The following CACNA1C variants were observed in gnomAD, a reference collection of about 807,000 sequenced individuals.
CACNA1C encodes calcium voltage-gated channel subunit alpha1 C, also known as voltage-dependent L-type calcium channel subunit alpha-1C.
CACNA1C carries 30 observed loss-of-function variants against 229.0 expected under a neutral mutation model. The observed-to-expected ratio is 0.13, with a 90% CI of 0.10 to 0.18. The LOEUF is 0.18. Among genes scored for constraint, CACNA1C ranks in the 10% least tolerant of loss-of-function variants. CACNA1C has a pLI of 1.00. For synonymous variants in CACNA1C, 1,114 were observed against 1,132.5 expected (o/e 0.98, Z 0.33); for missense variants, 1,658 against 2,845.0 (o/e 0.58, Z 9.49).
At chr12:2,118,460 G>A (rs1276491997) in intron 2 of CACNA1C, among the ~76,000 whole-genome samples, 2 of 152,240 alleles carry the variant, frequency 1.3e-5, no homozygotes, top group East Asian at 1.9e-4. Context: ...CTTTAGAGTG[G>A]ATCAGTATAG....
Position 2,601,517 on chromosome 12 carries a change from A to G in CACNA1C, c.2854-337A>G, listed in dbSNP as rs74053877. ...CATCAGGAAAGGACCCTGCAGGCCC[A>G]AAGCCATGGACTTGGGATGTGGAAC... On this transcript the variant is annotated intron_variant, in intron 21 of 46. Coordinates refer to ENST00000399655, the MANE Select transcript of CACNA1C (RefSeq NM_000719.7). The surrounding 1 kb of genome is among the most constrained non-coding windows in gnomAD (Gnocchi z 5.9). Among the ~76,000 whole-genome samples the G allele has an allele frequency of 0.039, 6,009 of 152,168 alleles. 420 individuals carry two copies. The highest frequency in any genetic ancestry group is 0.14 in the African/African-American group (5,670 of 41,494).
rs2095991477 is a variant in CACNA1C at position 2,664,939 on chromosome 12, C to T, written c.4347C>T (p.Ser1449=). The T allele has an allele frequency of 6.2e-7, 1 of 1,614,052 alleles. No individual in the cohort carries two copies. The highest frequency in any genetic ancestry group is 1.7e-5 in the Admixed American group (1 of 60,014). ...NSTEGETPCG[S]SFAVFYFISF... ...CGGAGGGTGAAACACCCTGTGGTAG[C>T]AGCTTTGCTGTCTTCTACTTCATCA... is the stretch of plus-strand genomic sequence containing the variant. Residue 1449 remains serine, a synonymous_variant, in exon 35 of 47, where the codon AGC becomes AGT. Coordinates refer to ENST00000399655, the MANE Select transcript of CACNA1C (RefSeq NM_000719.7).
At chr12:2,056,840 T>G (rs1405890037) in intron 1 of CACNA1C, among the ~76,000 whole-genome samples, 1 of 152,208 alleles carries the variant, frequency 6.6e-6, no homozygotes, top group Non-Finnish European at 1.5e-5. Context: ...GAGTCAATTT[T>G]TCATTATTTC....
chr12:2,451,406 G>A (rs999222676), intron 4 of CACNA1C, among the ~76,000 whole-genome samples: 3 of 152,246 alleles, frequency 2.0e-5, no homozygotes, highest in Admixed American at 1.3e-4. Context: ...TCTGGGACCA[G>A]TGGAGGGATG....
At chr12:2,363,357 T>G (rs2097621435) in intron 3 of CACNA1C, among the ~76,000 whole-genome samples, 1 of 152,204 alleles carries the variant, frequency 6.6e-6, no homozygotes, top group Admixed American at 6.5e-5. Flanking sequence ...CCATATCATT[T>G]CTATATTCCT....
At chr12:2,521,166 C>A (rs746644882) in intron 9 of CACNA1C, among the ~76,000 whole-genome samples, 45 of 149,814 alleles carry the variant, frequency 3.0e-4, no homozygotes, top group Admixed American at 9.2e-4. Flanking sequence ...GATTCCCACA[C>A]CCTTTTTAGA....
intron 3 of CACNA1C, among the ~76,000 whole-genome samples, chr12:2,144,151 T>G (rs2094511646): frequency 6.6e-6 from 1 of 151,072 alleles, no homozygotes; most frequent in Non-Finnish European, 1.5e-5. Flanking sequence ...CATGGAAAAA[T>G]TAGGAGCTAT....
chr12:2,483,912 A>G (rs1450458135), intron 5 of CACNA1C, among the ~76,000 whole-genome samples: 1 of 152,204 alleles, frequency 6.6e-6, no homozygotes, highest in East Asian at 1.9e-4. Context: ...GTGTCTGTGC[A>G]GCAATACTCA....
chr12:2,318,031 G>C (rs1045214539), intron 3 of CACNA1C, among the ~76,000 whole-genome samples: 3 of 152,182 alleles, frequency 2.0e-5, no homozygotes, highest in Admixed American at 6.5e-5. Flanking sequence ...GGGGAGAGCA[G>C]GGGGCGAGCC....
intron 1 of CACNA1C, among the ~76,000 whole-genome samples, chr12:2,056,921 T>C (rs1207105393): frequency 1.3e-5 from 2 of 152,210 alleles, no homozygotes; most frequent in Non-Finnish European, 2.9e-5. Flanking sequence ...GGAAAAGCTA[T>C]TTTAAATAGA....
At chr12:2,494,380 A>G (rs1483648316) in intron 7 of CACNA1C, among the ~76,000 whole-genome samples, 2 of 152,246 alleles carry the variant, frequency 1.3e-5, no homozygotes, top group Non-Finnish European at 2.9e-5. Flanking sequence ...TTTATTCTTC[A>G]TAGTGTCTCC....
At chr12:2,121,707 G>C (rs1479158850) in intron 3 of CACNA1C, among the ~76,000 whole-genome samples, 1 of 152,226 alleles carries the variant, frequency 6.6e-6, no homozygotes, top group African/African-American at 2.4e-5. Context: ...AATCTTTACT[G>C]TGTCAAAATA....
intron 1 of CACNA1C, among the ~76,000 whole-genome samples, chr12:1,993,988 A>G (rs1472986316): frequency 6.6e-6 from 1 of 152,230 alleles, no homozygotes; most frequent in Non-Finnish European, 1.5e-5. Flanking sequence ...GTTTTCTTCA[A>G]TGCAAAGCAA....
Position 2,566,950 on chromosome 12 carries a change from G to A in CACNA1C, c.1669+368G>A, listed in dbSNP as rs1231455452. ...GGGGCCTTCCTACAGCCCTGAGGTG[G>A]CCTTAACCAGAACACATGAGGATGG... On this transcript the variant is annotated intron_variant, in intron 12 of 46. Coordinates refer to ENST00000399655, the MANE Select transcript of CACNA1C (RefSeq NM_000719.7). The surrounding 1 kb of genome is among the most constrained non-coding windows in gnomAD (Gnocchi z 4.0). Among the ~76,000 whole-genome samples, 1 of 152,184 alleles carries A rather than the reference G, an allele frequency of 6.6e-6. No homozygotes were observed. The highest frequency in any genetic ancestry group is 1.5e-5 in the Non-Finnish European group (1 of 68,042).
At chr12:2,387,942 A>T (rs1283975595) in intron 3 of CACNA1C, among the ~76,000 whole-genome samples, 1 of 152,184 alleles carries the variant, frequency 6.6e-6, no homozygotes, top group Non-Finnish European at 1.5e-5. Context: ...GTACTAAGAG[A>T]ACTTGCCCAG....
Position 2,504,025 on chromosome 12 carries a change from C to T in CACNA1C, c.1114-817C>T, listed in dbSNP as rs1482064871. On this transcript the variant is annotated intron_variant, in intron 7 of 46. Transcript: ENST00000399655. The surrounding 1 kb of genome is among the most constrained non-coding windows in gnomAD (Gnocchi z 6.8). ...CTCCAGGCCTGTCAGCAGGAGCTGACGCACTTCATACACCAAGGTCAGGGG... is the reference window on the plus strand; with the variant it reads ...CTCCAGGCCTGTCAGCAGGAGCTGATGCACTTCATACACCAAGGTCAGGGG... Among the ~76,000 whole-genome samples the T allele has an allele frequency of 2.0e-5, 3 of 152,210 alleles. No homozygotes were observed. The highest frequency in any genetic ancestry group is 4.1e-4 in the South Asian group (2 of 4,836).
intron 9 of CACNA1C, among the ~76,000 whole-genome samples, chr12:2,536,397 C>T (rs73252720): frequency 0.054 from 8,222 of 152,146 alleles, 728 homozygotes; most frequent in African/African-American, 0.19. Flanking sequence ...CTGGCCTCTC[C>T]GTGATGTGCA....
At chr12:2,509,752 C>T (rs770495366) in intron 8 of CACNA1C, among the ~76,000 whole-genome samples, 3 of 152,050 alleles carry the variant, frequency 2.0e-5, no homozygotes, top group Non-Finnish European at 4.4e-5. Context: ...ACTAAGTGGA[C>T]GGTGAAAAGG....
chr12:2,349,515 G>A (rs766733166), intron 3 of CACNA1C, among the ~76,000 whole-genome samples: 23 of 152,142 alleles, frequency 1.5e-4, no homozygotes, highest in Non-Finnish European at 2.8e-4. Flanking sequence ...GAGTAGGGGC[G>A]CAGCATGCAA....
Sources: gnomAD v4.1 joint callset for allele counts (sites outside exome capture counted in the v4.1 genomes callset) on GRCh38, gnomAD v4.1.1 for gene constraint, Gnocchi (gnomAD v3.1) non-coding constraint, MANE v1.5 for transcripts, NCBI Gene and HGNC (gene_info 2026-07-23, HGNC 2026-07-21) for gene names.